Variants in CANX observed in about 807,000 individuals in gnomAD.
CANX encodes calnexin.
Under a neutral mutation model 75.7 loss-of-function variants are expected in CANX, and 14 were observed. The observed-to-expected ratio is 0.19, with a 90% CI of 0.12 to 0.29. The LOEUF (loss-of-function observed/expected upper bound fraction) is 0.29, where lower values mean the gene tolerates loss of function less well. Among genes scored for constraint, CANX ranks in the 10% least tolerant of loss-of-function variants. The probability of loss-of-function intolerance (pLI) is 1.00; values close to 1 mark genes in which losing one functional copy is unlikely to be tolerated. For missense variants in CANX, 567 were observed against 713.2 expected (o/e 0.79, Z 2.34); for synonymous variants, 227 against 236.9 (o/e 0.96, Z 0.38).
intron 13 of CANX, among the ~76,000 whole-genome samples, chr5:179,725,682 A>G (rs1778609760): frequency 7.9e-6 from 1 of 126,818 alleles, no homozygotes; most frequent in Non-Finnish European, 1.7e-5. Context: ...CTCTGTCTCA[A>G]AAAAAAAAAA....
intron 1 of CANX, among the ~76,000 whole-genome samples, chr5:179,691,226 C>T (rs987601398): frequency 5.3e-5 from 8 of 151,864 alleles, no homozygotes; most frequent in Admixed American, 3.3e-4. Flanking sequence ...GGTTTCGCCT[C>T]GTTGGCCAGG....
At chr5:179,702,097 G>A (rs536184650) in intron 1 of CANX, among the ~76,000 whole-genome samples, 8 of 152,018 alleles carry the variant, frequency 5.3e-5, no homozygotes, top group African/African-American at 1.7e-4. Flanking sequence ...GTGCAGTGGC[G>A]TGGTTATTGC....
chr5:179,728,384 AAAAC>A (rs1778798835), intron 14 of CANX, among the ~76,000 whole-genome samples: 1 of 152,220 alleles, frequency 6.6e-6, no homozygotes, highest in African/African-American at 2.4e-5. Flanking sequence ...ATGTTTATAG[AAAAC>A]AATAAAGACT....
At chr5:179,687,252 G>A (rs749222437) in intron 1 of CANX, among the ~76,000 whole-genome samples, 4 of 152,100 alleles carry the variant, frequency 2.6e-5, no homozygotes, top group Non-Finnish European at 5.9e-5. Context: ...ACAGGCATGC[G>A]CCAACACGCC....
intron 4 of CANX, among the ~76,000 whole-genome samples, chr5:179,707,663 T>TTTA (rs1554143551): frequency 4.7e-5 from 6 of 127,430 alleles, no homozygotes; most frequent in Admixed American, 2.7e-4. Context: ...TTTTTTTTTT[T>TTTA]TTTTATTTAA....
rs375199457 is a variant in CANX at position 179,705,674 on chromosome 5, T to G, written c.-3-5T>G. The G allele has an allele frequency of 6.2e-7, 1 of 1,610,260 alleles. No homozygotes were observed. The highest frequency in any genetic ancestry group is 1.1e-5 in the South Asian group (1 of 90,636). ...CATTTAACTGATTTTGCTCTTTATG[T>G]GTAGATCATGGAAGGGAAGTGGTTG... On this transcript the variant is annotated splice_region_variant and splice_polypyrimidine_tract_variant and intron_variant, in intron 1 of 14. Transcript: ENST00000247461.
chr5:179,723,026 G>C lies in CANX; in HGVS notation c.1398+7G>C. ...TGCTGATGGGGCTGCTGAGGTTCGTGTTTGCTGCTTGTGCATTTGTGTCTG... is the reference window on the plus strand; with the variant it reads ...TGCTGATGGGGCTGCTGAGGTTCGTCTTTGCTGCTTGTGCATTTGTGTCTG... On this transcript the variant is annotated splice_region_variant and intron_variant, in intron 11 of 14. Transcript: ENST00000247461. 1 of 1,611,074 alleles carries C rather than the reference G, an allele frequency of 6.2e-7. No homozygotes were observed. The highest frequency in any genetic ancestry group is 8.5e-7 in the Non-Finnish European group (1 of 1,177,286).
rs779126754 is a variant in CANX at position 179,678,722 on chromosome 5, A to G, written c.-59A>G. ...GTTGCGCTGCTTCTCCAGCAAGTGC[A>G]TGCGCGCCATGGTCTCAGTCAGCAT... is the stretch of plus-strand genomic sequence containing the variant. On this transcript the variant is annotated 5_prime_UTR_variant, in exon 1 of 15. Coordinates refer to the CANX transcript ENST00000681674. The G allele has an allele frequency of 1.1e-4, 169 of 1,536,882 alleles. No individual in the cohort carries two copies. Among genetic ancestry groups the G allele is most frequent in the Non-Finnish European group, 1.4e-4 (158 of 1,146,730 alleles).
chr5:179,706,396 C>G, intron 3 of CANX, 65 bp downstream of exon 3: 1 of 751,744 alleles, frequency 1.3e-6, no homozygotes. Context: ...ATAGTAGATT[C>G]CTTTTTGGAT....
intron 7 of CANX, among the ~76,000 whole-genome samples, chr5:179,710,804 G>A (rs1156324424): frequency 6.6e-6 from 1 of 150,912 alleles, no homozygotes; most frequent in Non-Finnish European, 1.5e-5. Context: ...TGTAATCCCA[G>A]CACTTTGGGA....
chr5:179,707,364 C>T (rs1252228098), intron 4 of CANX, among the ~76,000 whole-genome samples, 174 bp downstream of exon 4: 1 of 152,130 alleles, frequency 6.6e-6, no homozygotes, highest in Non-Finnish European at 1.5e-5. Context: ...GCGGGCAGAT[C>T]ACGAGGTCAG....
chr5:179,687,461 A>G (rs11249658), intron 1 of CANX, among the ~76,000 whole-genome samples: 60,878 of 151,960 alleles, frequency 0.4, 12,289 homozygotes, highest in South Asian at 0.55. Flanking sequence ...GTTGATACCT[A>G]GTAATGTAAA....
chr5:179,707,964 G>A (rs895205123), intron 4 of CANX, among the ~76,000 whole-genome samples: 1 of 152,040 alleles, frequency 6.6e-6, no homozygotes, highest in African/African-American at 2.4e-5. Context: ...AGCCTACCGA[G>A]TAGTTGGGAT....
chr5:179,700,002 A>G (rs1776626118), intron 1 of CANX, among the ~76,000 whole-genome samples: 1 of 152,214 alleles, frequency 6.6e-6, no homozygotes, highest in Non-Finnish European at 1.5e-5. Context: ...TAAGATATGT[A>G]TACAATAAGA....
intron 10 of CANX, 105 bp from the exon 11 acceptor site, chr5:179,722,699 G>C (rs1445411133): frequency 1.5e-6 from 1 of 674,366 alleles, no homozygotes; most frequent in Non-Finnish European, 2.6e-6. Context: ...CATGAAGTTG[G>C]CATTTCTCTC....
chr5:179,681,926 C>T (rs1416051829), intron 1 of CANX, among the ~76,000 whole-genome samples: 9 of 132,852 alleles, frequency 6.8e-5, no homozygotes, highest in Admixed American at 4.3e-4. Context: ...CCAGCATGGG[C>T]GATAGAGACC....
rs1049373770 is a variant in CANX, at chr5:179,729,899, A to G, written c.*1255A>G. 6.6e-6 allele frequency: 1 copy of G among 152,640 alleles called. No individual in the cohort carries two copies. The highest frequency in any genetic ancestry group is 2.4e-5 in the African/African-American group (1 of 41,452). The allele number at this position is 152,640 out of a possible 1,614,324, so 9.5% of individuals were successfully genotyped here. A position where few individuals can be genotyped will look rare whatever the true frequency, so the allele number is the denominator to read the frequency against. On this transcript the variant is annotated 3_prime_UTR_variant, in exon 15 of 15. Transcript: ENST00000247461. ...ATCTGATTTTTTTTGTAGCTGCTAT[A>G]TATTTTAAGCCTTCATTTGCAATTC...
rs1470520106 is a variant in CANX at position 179,730,572 on chromosome 5, T to C, written c.*1928T>C. 1 of 152,250 alleles carries C rather than the reference T, an allele frequency of 6.6e-6. No homozygotes were observed. The highest frequency in any genetic ancestry group is 6.5e-5 in the Admixed American group (1 of 15,284). The allele number at this position is 152,250 out of a possible 1,614,324, so 9.4% of individuals were successfully genotyped here. On this transcript the variant is annotated 3_prime_UTR_variant, in exon 15 of 15. Coordinates refer to ENST00000247461, the MANE Select transcript of CANX (RefSeq NM_001746.4). ...ATGTCATGCCTCACTTTCTTCTAGCTGAGCTTTAAATCATTAGAGCTTAAA... is the reference window on the plus strand; with the variant it reads ...ATGTCATGCCTCACTTTCTTCTAGCCGAGCTTTAAATCATTAGAGCTTAAA...
chr5:179,685,133 C>T (rs1776167674), intron 1 of CANX, among the ~76,000 whole-genome samples: 1 of 150,898 alleles, frequency 6.6e-6, no homozygotes, highest in South Asian at 2.1e-4. Flanking sequence ...GAGTCTCGCC[C>T]TGTCACCCAG....
Sources: allele counts gnomAD v4.1 joint callset (sites outside exome capture counted in the v4.1 genomes callset), GRCh38; gene constraint gnomAD v4.1.1; transcripts MANE v1.5; gene names NCBI Gene and HGNC (gene_info 2026-07-23, HGNC 2026-07-21).